The following FCHO2 variants were observed in gnomAD, a reference collection of about 807,000 sequenced individuals.
FCHO2 encodes the protein FCH and mu domain containing endocytic adaptor 2.
In FCHO2, 43 loss-of-function variants were observed where a neutral mutation model predicts 114.1. That is an observed-to-expected ratio of 0.38 (90% CI 0.30 to 0.49). The LOEUF (loss-of-function observed/expected upper bound fraction) is 0.49. Among genes scored for constraint, FCHO2 ranks in the 20% least tolerant of loss-of-function variants. The pLI, the probability that FCHO2 is intolerant of heterozygous loss-of-function variation, is 0.97. For missense variants in FCHO2, 807 were observed against 950.4 expected (o/e 0.85, Z 1.98); for synonymous variants, 293 against 315.2 (o/e 0.93, Z 0.75).
chr5:73,086,037 G>A lies in FCHO2; in HGVS notation c.2246-1552G>A, dbSNP rs1270956116. Reference sequence around the variant, plus strand: ...CTCAGGAGGCTGAGGCAGGAGAATCGCTTGAACCCAGGAGGCGGAGGTTGC... The same window carrying A: ...CTCAGGAGGCTGAGGCAGGAGAATCACTTGAACCCAGGAGGCGGAGGTTGC... On this transcript the variant is annotated intron_variant, in intron 24 of 25. Transcript: ENST00000430046. 3.3e-5 allele frequency among the ~76,000 whole-genome samples: 5 copies of A among 151,578 alleles called. No homozygotes were observed. In the East Asian group the frequency reaches 5.8e-4, roughly 18 times the overall value.
At chr5:72,960,855 A>G (rs1751819472) in intron 1 of FCHO2, among the ~76,000 whole-genome samples, 1 of 152,206 alleles carries the variant, frequency 6.6e-6, no homozygotes, top group Admixed American at 6.5e-5. Flanking sequence ...GATATGAAGC[A>G]TTCACCCAAA....
intron 1 of FCHO2, among the ~76,000 whole-genome samples, chr5:72,964,370 A>G (rs1359401686): frequency 3.3e-5 from 5 of 152,062 alleles, no homozygotes; most frequent in Non-Finnish European, 5.9e-5. Flanking sequence ...CTGACTGCCT[A>G]TTCTACATAC....
At chr5:72,983,895 A>G (rs1376965607) in intron 2 of FCHO2, among the ~76,000 whole-genome samples, 1 of 151,948 alleles carries the variant, frequency 6.6e-6, no homozygotes, top group Non-Finnish European at 1.5e-5. Flanking sequence ...TATTGGGTAT[A>G]TACTCTGGAG....
chr5:73,050,817 T>C (rs936377965), intron 11 of FCHO2, among the ~76,000 whole-genome samples: 9 of 152,184 alleles, frequency 5.9e-5, no homozygotes, highest in Non-Finnish European at 1.2e-4. Context: ...GCTGCCTCTC[T>C]CATGACACAC....
Position 73,037,746 on chromosome 5 carries a change from G to C in FCHO2, c.914+531G>C, listed in dbSNP as rs1273101329. 1.2e-5 allele frequency: 5 copies of C among 401,094 alleles called. No homozygotes were observed. In the East Asian group the frequency reaches 4.4e-4, roughly 35 times the overall value. 24.8% of individuals were successfully genotyped at this position (401,094 alleles called of 1,614,324 possible). ...GATGGAATATTTGGTCCACTTATAAGTCTGATTTACCTTCTTTTTTTTTTT... is the reference window on the plus strand; with the variant it reads ...GATGGAATATTTGGTCCACTTATAACTCTGATTTACCTTCTTTTTTTTTTT... On this transcript the variant is annotated intron_variant, in intron 10 of 25. Transcript: ENST00000430046.
intron 9 of FCHO2, among the ~76,000 whole-genome samples, chr5:73,035,094 TG>T (rs1355634058): frequency 6.6e-6 from 1 of 152,150 alleles, no homozygotes; most frequent in African/African-American, 2.4e-5. Context: ...AATTGTACAG[TG>T]GGTAACATTT....
intron 6 of FCHO2, among the ~76,000 whole-genome samples, chr5:73,009,461 A>G (rs1754884072): frequency 6.6e-6 from 1 of 152,148 alleles, no homozygotes; most frequent in South Asian, 2.1e-4. Flanking sequence ...TTTCCTTTTC[A>G]TGTTCTGCTT....
intron 20 of FCHO2, among the ~76,000 whole-genome samples, chr5:73,076,907 A>G (rs564621758): frequency 2.6e-5 from 4 of 152,192 alleles, no homozygotes; most frequent in South Asian, 2.1e-4. Flanking sequence ...AAGAAAGAAT[A>G]GAGGGTTGGA....
Position 73,062,051 on chromosome 5 carries a change from C to T in FCHO2, c.1346-1790C>T, listed in dbSNP as rs117089550. On this transcript the variant is annotated intron_variant, in intron 17 of 25. Transcript: ENST00000430046. ...AGGGCAGATATAGAGTAGCCCTTAT[C>T]GCCTATGTTTTTTTATACTTCACAG... 1.5e-3 allele frequency among the ~76,000 whole-genome samples: 225 copies of T among 152,082 alleles called. 1 individual carries two copies. The East Asian group carries it at 0.022, about 15-fold the overall frequency.
chr5:73,063,818 ATTCTCT>A lies in FCHO2; in HGVS notation c.1346-20_1346-15del. The A allele has an allele frequency of 6.3e-7, 1 of 1,596,370 alleles. No individual in the cohort carries two copies. The highest frequency in any genetic ancestry group is 8.6e-7 in the Non-Finnish European group (1 of 1,167,760). ...GCTACATACTAATGATTTTCTTCAAATTCTCTTTTCCCCCTCAACCAGCCAGGCCCA... is the reference window on the plus strand; with the variant it reads ...GCTACATACTAATGATTTTCTTCAAATTTCCCCCTCAACCAGCCAGGCCCA... On this transcript the variant is annotated splice_polypyrimidine_tract_variant and intron_variant, in intron 17 of 25. Transcript: ENST00000430046.
intron 11 of FCHO2, among the ~76,000 whole-genome samples, chr5:73,046,143 C>T (rs1468862877): frequency 6.6e-6 from 1 of 152,204 alleles, no homozygotes; most frequent in East Asian, 1.9e-4. Context: ...TAGCTTACCA[C>T]AGCCTTGAAC....
At position 73,058,466 on chromosome 5, in the gene FCHO2, CCTATTT is replaced by C; in HGVS notation, c.1288_1293del (p.Leu430_Phe431del). ...CCAGTGATTTACTTGCTTGGGACCCCCTATTTGGACCATCTCTTGATTCATCTTCTT... is the reference window on the plus strand; with the variant it reads ...CCAGTGATTTACTTGCTTGGGACCCCGGACCATCTCTTGATTCATCTTCTT... On this transcript the variant is annotated inframe_deletion, in exon 17 of 26. Transcript: ENST00000430046. The C allele has an allele frequency of 6.4e-7, 1 of 1,574,016 alleles. No individual in the cohort carries two copies. The highest frequency in any genetic ancestry group is 8.6e-7 in the Non-Finnish European group (1 of 1,157,710).
chr5:72,977,142 G>C (rs1368778723), intron 2 of FCHO2, among the ~76,000 whole-genome samples: 2 of 152,170 alleles, frequency 1.3e-5, no homozygotes, highest in Non-Finnish European at 2.9e-5. Flanking sequence ...TATATAGCCA[G>C]TAATGGGATT....
intron 11 of FCHO2, among the ~76,000 whole-genome samples, chr5:73,046,098 T>G (rs1757040684): frequency 6.6e-6 from 1 of 152,230 alleles, no homozygotes; most frequent in African/African-American, 2.4e-5. Flanking sequence ...AGGTTCTTGA[T>G]CTGTGGCCCA....
At chr5:72,969,778 A>G (rs1032356205) in intron 2 of FCHO2, among the ~76,000 whole-genome samples, 3 of 152,082 alleles carry the variant, frequency 2.0e-5, no homozygotes, top group East Asian at 1.9e-4. Flanking sequence ...ATTTTTCTCC[A>G]TAGTATGTAT....
In FCHO2 at chr5:72,975,797, G is replaced by T. The variant is rs143749965; in HGVS notation, c.125+7208G>T. ...TGGGATTACAGGCATGAGCCACTGTGCCTGGCCAGGCTCATTTCATTTTAG... is the reference window on the plus strand; with the variant it reads ...TGGGATTACAGGCATGAGCCACTGTTCCTGGCCAGGCTCATTTCATTTTAG... On this transcript the variant is annotated intron_variant, in intron 2 of 25. Coordinates refer to ENST00000430046, the MANE Select transcript of FCHO2 (RefSeq NM_138782.3). Among the ~76,000 whole-genome samples, 851 of 152,228 alleles carry T rather than the reference G, an allele frequency of 5.6e-3. 14 individuals carry two copies. Among genetic ancestry groups the T allele is most frequent in the African/African-American group, 0.02 (816 of 41,536 alleles).
At chr5:72,974,281 C>A (rs1752738038) in intron 2 of FCHO2, among the ~76,000 whole-genome samples, 2 of 133,538 alleles carry the variant, frequency 1.5e-5, no homozygotes, top group South Asian at 4.7e-4. Context: ...TCTCGTTGAT[C>A]TTTCTAATGT....
intron 6 of FCHO2, among the ~76,000 whole-genome samples, chr5:73,008,069 A>G (rs558608098): frequency 3.3e-4 from 50 of 152,318 alleles, no homozygotes; most frequent in African/African-American, 1.2e-3. Context: ...GTAGTGAGAA[A>G]TGAAGTTGAA....
chr5:72,999,180 T>C (rs1253709975), intron 5 of FCHO2, among the ~76,000 whole-genome samples: 1 of 151,982 alleles, frequency 6.6e-6, no homozygotes, highest in African/African-American at 2.4e-5. Flanking sequence ...GCTTGTGATA[T>C]TAGATAGTGG....
Sources: allele counts gnomAD v4.1 joint callset (sites outside exome capture counted in the v4.1 genomes callset), GRCh38; gene constraint gnomAD v4.1.1; transcripts MANE v1.5; gene names NCBI Gene and HGNC (gene_info 2026-07-23, HGNC 2026-07-21).